Variants in ITGA1 observed in about 807,000 individuals in gnomAD.
ITGA1 encodes integrin subunit alpha 1.
Under a neutral mutation model 145.9 loss-of-function variants are expected in ITGA1, and 85 were observed. That is an observed-to-expected ratio of 0.58 (90% CI 0.49 to 0.70). The LOEUF (loss-of-function observed/expected upper bound fraction) is 0.70. Among genes scored for constraint, ITGA1 ranks in the 30% least tolerant of loss-of-function variants. The pLI is 0.00. For synonymous variants in ITGA1, 520 were observed against 495.3 expected, an observed-to-expected ratio of 1.05 and a Z score of -0.66; for missense variants, 1,351 against 1,418.7, an observed-to-expected ratio of 0.95 and a Z score of 0.77.
chr5:52,868,610 A>G (rs1240604443), intron 6 of ITGA1, among the ~76,000 whole-genome samples: 1 of 152,204 alleles, frequency 6.6e-6, no homozygotes, highest in Non-Finnish European at 1.5e-5. Context: ...CTCTATTCAG[A>G]CAAATTCAGG....
At chr5:52,910,849 G>A (rs932203663) in intron 14 of ITGA1, among the ~76,000 whole-genome samples, 4 of 140,798 alleles carry the variant, frequency 2.8e-5, no homozygotes, top group Non-Finnish European at 4.5e-5. Flanking sequence ...TATATATAGT[G>A]TATATATACA....
chr5:52,921,573 G>C (rs1045859933), intron 17 of ITGA1, among the ~76,000 whole-genome samples: 2 of 152,146 alleles, frequency 1.3e-5, no homozygotes, highest in Non-Finnish European at 2.9e-5. Flanking sequence ...ATTTGAATGG[G>C]TATGAAACCA....
chr5:52,915,324 C>T, intron 14 of ITGA1, 140 bp from the exon 15 acceptor site: 1 of 803,606 alleles, frequency 1.2e-6, no homozygotes, highest in Non-Finnish European at 2.0e-6. Context: ...CCTCTTATCT[C>T]CACATGAGGG....
intron 23 of ITGA1, among the ~76,000 whole-genome samples, chr5:52,937,134 T>C (rs1579729504): frequency 6.6e-6 from 1 of 152,144 alleles, no homozygotes; most frequent in African/African-American, 2.4e-5. Flanking sequence ...TGGTCTTCTG[T>C]TAATCCTAGG....
intron 8 of ITGA1, among the ~76,000 whole-genome samples, chr5:52,890,399 T>G (rs1242929456): frequency 6.6e-6 from 1 of 152,240 alleles, no homozygotes; most frequent in Non-Finnish European, 1.5e-5. Flanking sequence ...TAGTTCATTC[T>G]GTTTTTAAAA....
chr5:52,949,606 T>C (rs1034411778), intron 28 of ITGA1, among the ~76,000 whole-genome samples: 5 of 152,170 alleles, frequency 3.3e-5, no homozygotes, highest in African/African-American at 9.7e-5. Context: ...TGCTGCAGGC[T>C]ATAGGGTAGG....
intron 1 of ITGA1, among the ~76,000 whole-genome samples, chr5:52,809,030 T>A (rs909124595): frequency 5.9e-5 from 9 of 152,198 alleles, no homozygotes; most frequent in African/African-American, 2.2e-4. Context: ...CAAATTATCA[T>A]CTTGTGGCAA....
intron 1 of ITGA1, among the ~76,000 whole-genome samples, chr5:52,842,188 C>G (rs956676642): frequency 6.6e-6 from 1 of 152,148 alleles, no homozygotes; most frequent in Non-Finnish European, 1.5e-5. Flanking sequence ...GGTGGTATCA[C>G]AGATATGCAT....
At chr5:52,910,560 T>C in intron 14 of ITGA1, 141 bp downstream of exon 14, 1 of 806,136 alleles carries the variant, frequency 1.2e-6, no homozygotes, top group Non-Finnish European at 1.9e-6. Context: ...CTTTAAGTGT[T>C]TTTTATAGAT....
chr5:52,910,795 TATAA>T (rs1427922401), intron 14 of ITGA1, among the ~76,000 whole-genome samples: 1 of 144,884 alleles, frequency 6.9e-6, no homozygotes, highest in East Asian at 2.0e-4. Context: ...ATACAAATAG[TATAA>T]ATATATAGTA....
intron 22 of ITGA1, 120 bp downstream of exon 22, chr5:52,932,256 T>G (rs1750903451): frequency 3.2e-6 from 2 of 624,314 alleles, no homozygotes; most frequent in Non-Finnish European, 5.6e-6. Context: ...GCAAATTCTC[T>G]GGCCCCACCA....
chr5:52,954,984 A>C lies in ITGA1; in HGVS notation c.*2533A>C, dbSNP rs1265972754. 1 of 152,222 alleles carries C rather than the reference A, an allele frequency of 6.6e-6. No homozygotes were observed. The highest frequency in any genetic ancestry group is 6.5e-5 in the Admixed American group (1 of 15,284). The allele number at this position is 152,222 out of a possible 1,614,324, so 9.4% of individuals were successfully genotyped here. A position where few individuals can be genotyped will look rare whatever the true frequency, so the allele number is the denominator to read the frequency against. ...TAATTAGAAAAACAGGTGATATTTA[A>C]GACTATTTATAAACTTATTGGCCAA... On this transcript the variant is annotated 3_prime_UTR_variant, in exon 29 of 29. Coordinates refer to ENST00000282588, the MANE Select transcript of ITGA1 (RefSeq NM_181501.2).
chr5:52,805,415 T>G (rs533392845), intron 1 of ITGA1, among the ~76,000 whole-genome samples: 15 of 152,118 alleles, frequency 9.9e-5, no homozygotes, highest in Non-Finnish European at 7.4e-5. Context: ...GATAATGGCC[T>G]TATCAAAGGC....
intron 14 of ITGA1, among the ~76,000 whole-genome samples, chr5:52,912,933 A>G (rs907673877): frequency 1.3e-5 from 2 of 151,830 alleles, no homozygotes; most frequent in Admixed American, 6.6e-5. Context: ...TTTTTAGTAG[A>G]GACGGGGTTT....
intron 14 of ITGA1, 92 bp from the exon 15 acceptor site, chr5:52,915,372 A>G: frequency 7.3e-6 from 10 of 1,368,298 alleles, no homozygotes; most frequent in Non-Finnish European, 1.0e-5. Context: ...AAAACTGATT[A>G]TTTTGTTAAA....
At chr5:52,895,530 A>G (rs986666747) in intron 9 of ITGA1, among the ~76,000 whole-genome samples, 1 of 152,238 alleles carries the variant, frequency 6.6e-6, no homozygotes, top group Non-Finnish European at 1.5e-5. Flanking sequence ...ATTTAAAAGA[A>G]AAGTTACATA....
intron 2 of ITGA1, among the ~76,000 whole-genome samples, chr5:52,857,694 TA>T (rs1171077298): frequency 6.6e-6 from 1 of 152,208 alleles, no homozygotes; most frequent in East Asian, 1.9e-4. Flanking sequence ...CCTTAAGTGT[TA>T]TTTCACCTTC....
intron 1 of ITGA1, among the ~76,000 whole-genome samples, chr5:52,816,811 A>G (rs940349079): frequency 2.0e-5 from 3 of 152,186 alleles, no homozygotes; most frequent in Non-Finnish European, 2.9e-5. Context: ...TAGTGAGTAT[A>G]TTCCCCTCCA....
At chr5:52,887,156 T>G (rs1051521937) in intron 7 of ITGA1, among the ~76,000 whole-genome samples, 1 of 152,152 alleles carries the variant, frequency 6.6e-6, no homozygotes, top group Non-Finnish European at 1.5e-5. Context: ...CCAAATGTTT[T>G]GTAACTCCTT....
Sources: gnomAD v4.1 joint callset for allele counts (sites outside exome capture counted in the v4.1 genomes callset) on GRCh38, gnomAD v4.1.1 for gene constraint, MANE v1.5 for transcripts, NCBI Gene and HGNC (gene_info 2026-07-23, HGNC 2026-07-21) for gene names.